Variants in SEM1 observed in about 807,000 individuals in gnomAD.
SEM1 encodes 26S proteasome complex subunit SEM1.
Under a neutral mutation model 12.7 loss-of-function variants are expected in SEM1, and 3 were observed. The observed-to-expected ratio is 0.24, with a 90% confidence interval of 0.11 to 0.61. The LOEUF is 0.61. Among genes scored for constraint, SEM1 ranks in the 20% least tolerant of loss-of-function variants. The probability of loss-of-function intolerance (pLI) is 0.88; values close to 1 mark genes in which losing one functional copy is unlikely to be tolerated. For missense variants in SEM1, 59 were observed against 81.3 expected (o/e 0.73, Z 1.06); for synonymous variants, 30 against 27.8 (o/e 1.08, Z -0.25).
At chr7:96,674,399 A>G (rs957622014) in intron 2 of SEM1, among the ~76,000 whole-genome samples, 2 of 152,140 alleles carry the variant, frequency 1.3e-5, no homozygotes, top group Non-Finnish European at 1.5e-5. Flanking sequence ...CACACCTGTA[A>G]TCCCAGTGCT....
intron 2 of SEM1, chr7:96,664,292 G>A (rs1227326707): frequency 6.6e-6 from 1 of 152,374 alleles, no homozygotes; most frequent in East Asian, 1.9e-4. Flanking sequence ...CTCTAGGAGA[G>A]AATCTGTTCC....
upstream of SEM1, among the ~76,000 whole-genome samples, chr7:96,500,823 T>C (rs959493594): frequency 2.0e-5 from 3 of 152,150 alleles, no homozygotes; most frequent in Admixed American, 1.3e-4. Flanking sequence ...GCTCCTGGAT[T>C]TCACTCCTTC....
intron 2 of SEM1, among the ~76,000 whole-genome samples, chr7:96,579,900 A>T (rs2116045182): frequency 6.6e-6 from 1 of 152,230 alleles, no homozygotes; most frequent in East Asian, 1.9e-4. Flanking sequence ...CTTCTTATGG[A>T]TCTATAATTA....
intron 2 of SEM1, among the ~76,000 whole-genome samples, chr7:96,565,440 TTAG>T (rs1311638187): frequency 6.6e-6 from 1 of 151,820 alleles, no homozygotes; most frequent in Non-Finnish European, 1.5e-5. Flanking sequence ...AGGCACAATT[TTAG>T]TAAGTGGATT....
At chr7:96,706,727 AT>A (rs1437246930) in intron 1 of SEM1, among the ~76,000 whole-genome samples, 1 of 152,100 alleles carries the variant, frequency 6.6e-6, no homozygotes, top group East Asian at 1.9e-4. Context: ...CCAAAAGAAA[AT>A]CTATTAGTCG....
chr7:96,706,037 T>C (rs1013029348), intron 1 of SEM1, among the ~76,000 whole-genome samples: 1 of 152,078 alleles, frequency 6.6e-6, no homozygotes, highest in Non-Finnish European at 1.5e-5. Context: ...CTGTTCTAAA[T>C]CAGTTTAAGT....
At chr7:96,524,130 C>T (rs1804371039) in intron 2 of SEM1, among the ~76,000 whole-genome samples, 1 of 152,122 alleles carries the variant, frequency 6.6e-6, no homozygotes, top group Non-Finnish European at 1.5e-5. Flanking sequence ...AACTGCCTCG[C>T]TTTTGTGAGG....
At chr7:96,681,590 GCTTT>G (rs1789613919) in intron 2 of SEM1, among the ~76,000 whole-genome samples, 1 of 152,114 alleles carries the variant, frequency 6.6e-6, no homozygotes, top group African/African-American at 2.4e-5. Context: ...TCCAGTTTCA[GCTTT>G]CTATGTATGG....
At chr7:96,497,047 A>G (rs1803310717), upstream of SEM1, among the ~76,000 whole-genome samples, 1 of 151,910 alleles carries the variant, frequency 6.6e-6, no homozygotes, top group Non-Finnish European at 1.5e-5. Context: ...TCATACACAC[A>G]CTTTCTGCAA....
In SEM1 at chr7:96,521,036, C is replaced by G. The variant is rs1164034894; in HGVS notation, c.171-14338G>C. Among the ~76,000 whole-genome samples the G allele has an allele frequency of 2.6e-5, 4 of 152,086 alleles. No individual in the cohort carries two copies. In the East Asian group the frequency reaches 7.8e-4, roughly 29 times the overall value. ...AAAACAGGTTATTTTGCTGCAAAAC[C>G]TCACAAAAAAAAGGGGACGGACATT... On this transcript the variant is annotated intron_variant and NMD_transcript_variant, in intron 2 of 3. Transcript: ENST00000466986.
At chr7:96,521,433 A>G (rs1804267569) in intron 2 of SEM1, among the ~76,000 whole-genome samples, 1 of 152,158 alleles carries the variant, frequency 6.6e-6, no homozygotes, top group South Asian at 2.1e-4. Context: ...GCGTCTGGTT[A>G]GTTTCTCCAT....
chr7:96,593,882 T>C (rs1204603489), intron 2 of SEM1, among the ~76,000 whole-genome samples: 1 of 151,992 alleles, frequency 6.6e-6, no homozygotes, highest in Non-Finnish European at 1.5e-5. Flanking sequence ...ATAACATCTA[T>C]GTTGACTATG....
chr7:96,702,731 T>C (rs140574876), intron 1 of SEM1, among the ~76,000 whole-genome samples: 1 of 152,228 alleles, frequency 6.6e-6, no homozygotes, highest in Non-Finnish European at 1.5e-5. Flanking sequence ...AACCTAACAA[T>C]GGAAAGGCCT....
chr7:96,541,431 G>GGTTTTTTTTTT (rs1554412360), intron 2 of SEM1, among the ~76,000 whole-genome samples: 2 of 121,486 alleles, frequency 1.6e-5, no homozygotes, highest in African/African-American at 3.8e-5. Flanking sequence ...TTTTTAATGG[G>GGTTTTTTTTTT]TTTTTTTTTT....
At chr7:96,508,442 G>C (rs1268209697) in intron 2 of SEM1, among the ~76,000 whole-genome samples, 1 of 152,074 alleles carries the variant, frequency 6.6e-6, no homozygotes, top group Non-Finnish European at 1.5e-5. Context: ...AACGAGAACA[G>C]TGCAATTACA....
chr7:96,493,829 T>C (rs1803127509), intron 1 of SEM1, among the ~76,000 whole-genome samples: 1 of 152,214 alleles, frequency 6.6e-6, no homozygotes, highest in Non-Finnish European at 1.5e-5. Flanking sequence ...TCTATGCCAT[T>C]GCTTTCTACT....
chr7:96,509,791 C>A (rs556220736), intron 2 of SEM1, among the ~76,000 whole-genome samples: 1 of 151,920 alleles, frequency 6.6e-6, no homozygotes, highest in Non-Finnish European at 1.5e-5. Context: ...ATAAGTCATA[C>A]GCAAAAGGAC....
At chr7:96,560,079 A>G (rs1225531510) in intron 2 of SEM1, among the ~76,000 whole-genome samples, 1 of 152,236 alleles carries the variant, frequency 6.6e-6, no homozygotes, top group Non-Finnish European at 1.5e-5. Context: ...ACACTGGACA[A>G]TAATCCACAT....
intron 2 of SEM1, chr7:96,558,381 C>CTGGA (rs1805594202): frequency 2.0e-5 from 3 of 152,220 alleles, no homozygotes; most frequent in Non-Finnish European, 4.4e-5. Context: ...TGTGACGGTG[C>CTGGA]CGGATTACGA....
Sources: allele counts gnomAD v4.1 joint callset (sites outside exome capture counted in the v4.1 genomes callset), GRCh38; gene constraint gnomAD v4.1.1; transcripts MANE v1.5; gene names NCBI Gene and HGNC (gene_info 2026-07-23, HGNC 2026-07-21).